The following PKP4 variants were observed in gnomAD, a reference collection of about 807,000 sequenced individuals.
PKP4 encodes plakophilin-4.
Under a neutral mutation model 145.1 loss-of-function variants are expected in PKP4, and 90 were observed. The observed-to-expected ratio is 0.62, with a 90% confidence interval of 0.52 to 0.74. The LOEUF (loss-of-function observed/expected upper bound fraction) is 0.74. Ranked by LOEUF, PKP4 falls within the 30% of genes least tolerant of loss-of-function variation. PKP4 has a pLI of 0.00. For synonymous variants in PKP4, 563 were observed against 577.2 expected (o/e 0.98, Z 0.35); for missense variants, 1,340 against 1,482.7 (o/e 0.90, Z 1.58).
intron 7 of PKP4, among the ~76,000 whole-genome samples, chr2:158,629,727 T>C (rs1248443491): frequency 2.0e-5 from 3 of 152,154 alleles, no homozygotes; most frequent in African/African-American, 7.2e-5. Context: ...CTTTTTTTTT[T>C]TGAGACAGAC....
chr2:158,584,880 G>A (rs996110169), intron 3 of PKP4, among the ~76,000 whole-genome samples: 1 of 151,914 alleles, frequency 6.6e-6, no homozygotes, highest in African/African-American at 2.4e-5. Context: ...TTTACTTCTC[G>A]ATAAATTGTA....
intron 3 of PKP4, among the ~76,000 whole-genome samples, chr2:158,600,837 A>G (rs950878403): frequency 6.6e-6 from 1 of 152,152 alleles, no homozygotes; most frequent in African/African-American, 2.4e-5. Context: ...TGATTTATAT[A>G]TGGTACCTTA....
intron 1 of PKP4, among the ~76,000 whole-genome samples, chr2:158,462,737 A>G (rs1256704004): frequency 6.6e-6 from 1 of 152,048 alleles, no homozygotes; most frequent in African/African-American, 2.4e-5. Context: ...TCAGGGTCCA[A>G]TTCTGGCACT....
At chr2:158,677,043 A>G in intron 20 of PKP4, 176 bp downstream of exon 20, 1 of 734,274 alleles carries the variant, frequency 1.4e-6, no homozygotes, top group Non-Finnish European at 2.4e-6. Flanking sequence ...GCTTGTTTAA[A>G]GTAAAACAAG....
chr2:158,651,023 G>C (rs2055313862), intron 11 of PKP4, among the ~76,000 whole-genome samples: 1 of 152,176 alleles, frequency 6.6e-6, no homozygotes, highest in Non-Finnish European at 1.5e-5. Flanking sequence ...TCTGGGAATG[G>C]CTATATACCA....
chr2:158,615,011 C>CAA (rs573282430), intron 4 of PKP4, among the ~76,000 whole-genome samples: 35 of 128,512 alleles, frequency 2.7e-4, no homozygotes, highest in Admixed American at 6.9e-4. Context: ...GTATATTTTA[C>CAA]AAAAAAAAAA....
intron 2 of PKP4, among the ~76,000 whole-genome samples, chr2:158,543,451 G>A (rs950886827): frequency 1.3e-5 from 2 of 152,154 alleles, no homozygotes; most frequent in African/African-American, 4.8e-5. Flanking sequence ...TCTTATGTCG[G>A]GGGAAGAGAC....
chr2:158,480,558 T>C (rs985954454), intron 1 of PKP4, among the ~76,000 whole-genome samples: 17 of 151,756 alleles, frequency 1.1e-4, no homozygotes, highest in African/African-American at 4.1e-4. Flanking sequence ...TTTTTTTTTT[T>C]CCAGTTGTTT....
chr2:158,523,799 A>T (rs1436644488), intron 1 of PKP4, among the ~76,000 whole-genome samples: 2 of 128,516 alleles, frequency 1.6e-5, no homozygotes, highest in Non-Finnish European at 3.2e-5. Context: ...GAGCTGATGG[A>T]GCTGAAAACC....
At chr2:158,464,982 A>AT in intron 1 of PKP4, among the ~76,000 whole-genome samples, 1 of 152,196 alleles carries the variant, frequency 6.6e-6, no homozygotes, top group East Asian at 1.9e-4. Flanking sequence ...TTTAACCAAC[A>AT]TTTTTTAGTC....
chr2:158,457,149 G>C lies in PKP4; in HGVS notation c.-75G>C, dbSNP rs369243009. ...CACTTTTTTAATTTTTTCGGGTGCC[G>C]CAGCGGCGACCCCTCGGCGCCGATG... On this transcript the variant is annotated 5_prime_UTR_variant, in exon 1 of 22. Coordinates refer to ENST00000389759, the MANE Select transcript of PKP4 (RefSeq NM_003628.6). 5 of 151,662 alleles carry C rather than the reference G, an allele frequency of 3.3e-5. No individual in the cohort carries two copies. Among genetic ancestry groups the C allele is most frequent in the Non-Finnish European group, 5.9e-5 (4 of 67,860 alleles). The allele number at this position is 151,662 out of a possible 1,614,324, so 9.4% of individuals were successfully genotyped here.
rs375615487 is a variant in PKP4, at chr2:158,495,088, G to C, written c.-6+37870G>C. On this transcript the variant is annotated intron_variant, in intron 1 of 21. Coordinates refer to ENST00000389759, the MANE Select transcript of PKP4 (RefSeq NM_003628.6). The stretch of plus-strand genomic sequence containing the variant: ...AAAAAATTAGCCGGGCACGGTGGCG[G>C]GCATCTGTAATCCTACCTACTCGGG... Among the ~76,000 whole-genome samples the C allele has an allele frequency of 3.2e-4, 48 of 151,840 alleles. No individual in the cohort carries two copies. In the South Asian group the frequency reaches 9.0e-3, roughly 28 times the overall value.
At chr2:158,474,151 C>T (rs568134383) in intron 1 of PKP4, among the ~76,000 whole-genome samples, 2 of 152,168 alleles carry the variant, frequency 1.3e-5, no homozygotes, top group Non-Finnish European at 2.9e-5. Context: ...AGAAGCTACT[C>T]GACGACAGAT....
intron 1 of PKP4, among the ~76,000 whole-genome samples, chr2:158,490,347 AT>A (rs920190243): frequency 2.1e-5 from 3 of 139,946 alleles, no homozygotes; most frequent in Non-Finnish European, 3.3e-5. Context: ...CACCAAATTG[AT>A]TTAAAAAAAA....
intron 1 of PKP4, among the ~76,000 whole-genome samples, chr2:158,516,026 CAGAGTG>C (rs1248329619): frequency 7.0e-6 from 1 of 143,766 alleles, no homozygotes; most frequent in Non-Finnish European, 1.5e-5. Context: ...GCCTGGGTGA[CAGAGTG>C]AGAATCCATC....
At chr2:158,547,974 A>G (rs554613046) in intron 2 of PKP4, among the ~76,000 whole-genome samples, 1 of 152,368 alleles carries the variant, frequency 6.6e-6, no homozygotes, top group East Asian at 1.9e-4. Flanking sequence ...GCTGTTGGAT[A>G]TAAAAATTTT....
intron 1 of PKP4, among the ~76,000 whole-genome samples, chr2:158,458,976 G>A (rs1689346556): frequency 6.6e-6 from 1 of 151,924 alleles, no homozygotes; most frequent in South Asian, 2.1e-4. Flanking sequence ...TTTAAAGAAC[G>A]GTAATTATTT....
chr2:158,672,073 G>T (rs574330769), intron 17 of PKP4, among the ~76,000 whole-genome samples: 1 of 152,200 alleles, frequency 6.6e-6, no homozygotes, highest in Non-Finnish European at 1.5e-5. Flanking sequence ...CCACCCCAGC[G>T]TGGTGATCTG....
chr2:158,519,748 T>G (rs2042207606), intron 1 of PKP4, among the ~76,000 whole-genome samples: 1 of 152,214 alleles, frequency 6.6e-6, no homozygotes, highest in Non-Finnish European at 1.5e-5. Context: ...AGAAAATGCC[T>G]TTTCTATTAT....
Sources: allele counts gnomAD v4.1 joint callset (sites outside exome capture counted in the v4.1 genomes callset), GRCh38; gene constraint gnomAD v4.1.1; transcripts MANE v1.5; gene names NCBI Gene and HGNC (gene_info 2026-07-23, HGNC 2026-07-21).